Variants in CNTN4 observed in about 807,000 individuals in gnomAD.
The protein encoded by CNTN4 is contactin 4, also known as contactin-4.
A neutral mutation model predicts 122.5 loss-of-function variants in CNTN4; 77 were observed. The observed-to-expected ratio is 0.63, with a 90% CI of 0.52 to 0.76. CNTN4 has a LOEUF of 0.76. Ranked by LOEUF, CNTN4 falls within the 30% of genes least tolerant of loss-of-function variation. CNTN4 has a pLI of 0.00. For synonymous variants in CNTN4, 512 were observed against 447.0 expected (o/e 1.15, Z -1.83); for missense variants, 1,256 against 1,259.1 (o/e 1.00, Z 0.04).
chr3:3,035,777 C>CA (rs1699547602), intron 17 of CNTN4, among the ~76,000 whole-genome samples: 3 of 152,184 alleles, frequency 2.0e-5, no homozygotes, highest in African/African-American at 7.2e-5. Flanking sequence ...AGGCTGGTCT[C>CA]AAACTCCTGC....
At chr3:2,539,991 T>C (rs566647884) in intron 3 of CNTN4, among the ~76,000 whole-genome samples, 1 of 152,130 alleles carries the variant, frequency 6.6e-6, no homozygotes, top group Non-Finnish European at 1.5e-5. Flanking sequence ...GAGAATAACT[T>C]TTAATAATAC....
At chr3:3,008,810 A>G (rs1485238179) in intron 14 of CNTN4, among the ~76,000 whole-genome samples, 2 of 152,206 alleles carry the variant, frequency 1.3e-5, no homozygotes, top group Admixed American at 1.3e-4. Flanking sequence ...TTAAAACGCA[A>G]CTACTTTTGC....
intron 2 of CNTN4, among the ~76,000 whole-genome samples, chr3:2,243,186 T>A (rs1451114678): frequency 6.6e-6 from 1 of 152,156 alleles, no homozygotes. Context: ...AACTTTCTTT[T>A]GAGACCTACC....
At chr3:2,186,158 C>T (rs1434551952) in intron 2 of CNTN4, among the ~76,000 whole-genome samples, 1 of 151,272 alleles carries the variant, frequency 6.6e-6, no homozygotes, top group Non-Finnish European at 1.5e-5. Flanking sequence ...TCAATTCCCA[C>T]CTATGAGTGA....
At chr3:2,183,354 A>G (rs1225642620) in intron 2 of CNTN4, among the ~76,000 whole-genome samples, 2 of 152,174 alleles carry the variant, frequency 1.3e-5, no homozygotes, top group Non-Finnish European at 2.9e-5. Context: ...TTTCTTCTAC[A>G]TATGTTTTCT....
At chr3:2,191,855 A>T (rs907572128) in intron 2 of CNTN4, among the ~76,000 whole-genome samples, 2 of 151,974 alleles carry the variant, frequency 1.3e-5, no homozygotes, top group Admixed American at 6.6e-5. Flanking sequence ...CATTAGGTAT[A>T]TCTCCTAATG....
chr3:2,873,951 A>T, intron 8 of CNTN4, among the ~76,000 whole-genome samples: 1 of 152,194 alleles, frequency 6.6e-6, no homozygotes, highest in East Asian at 1.9e-4. Flanking sequence ...TGTCACAGCA[A>T]TCATGTCTTG....
At chr3:2,817,498 A>G (rs2092764366) in intron 6 of CNTN4, among the ~76,000 whole-genome samples, 7 of 152,244 alleles carry the variant, frequency 4.6e-5, no homozygotes, top group Admixed American at 4.6e-4. Flanking sequence ...TACACTTCAA[A>G]TGCCTAAAAC....
intron 12 of CNTN4, among the ~76,000 whole-genome samples, chr3:2,911,201 CT>C (rs59234070): frequency 0.42 from 63,634 of 151,850 alleles, 13,729 homozygotes; most frequent in East Asian, 0.64. Flanking sequence ...AGAACAAAGT[CT>C]TATCAACATG....
chr3:2,915,156 C>T (rs2094340232), intron 12 of CNTN4, among the ~76,000 whole-genome samples: 1 of 152,200 alleles, frequency 6.6e-6, no homozygotes, highest in Non-Finnish European at 1.5e-5. Flanking sequence ...ACCTCCACCT[C>T]CCGGGTTCAA....
At chr3:2,732,756 G>A (rs530406114) in intron 4 of CNTN4, among the ~76,000 whole-genome samples, 26 of 152,216 alleles carry the variant, frequency 1.7e-4, no homozygotes, top group Admixed American at 4.6e-4. Flanking sequence ...ACCCTGGTCC[G>A]AAGGTTTAAA....
chr3:2,911,268 G>A (rs1289321534), intron 12 of CNTN4, among the ~76,000 whole-genome samples: 1 of 152,146 alleles, frequency 6.6e-6, no homozygotes, highest in East Asian at 1.9e-4. Context: ...AGTACCAACA[G>A]AGGGAAATTT....
intron 12 of CNTN4, among the ~76,000 whole-genome samples, chr3:2,920,547 TGTGG>T (rs1345662612): frequency 2.0e-5 from 3 of 152,064 alleles, no homozygotes; most frequent in African/African-American, 7.2e-5. Context: ...TGGTACTTTC[TGTGG>T]GTCTATAATT....
At chr3:2,243,522 T>C (rs2040021472) in intron 2 of CNTN4, among the ~76,000 whole-genome samples, 1 of 151,994 alleles carries the variant, frequency 6.6e-6, no homozygotes, top group Non-Finnish European at 1.5e-5. Context: ...TTGTGATTTT[T>C]TTTTAGCTCA....
chr3:2,848,854 G>A (rs77643566), intron 7 of CNTN4, among the ~76,000 whole-genome samples: 30,643 of 152,222 alleles, frequency 0.2, 3,086 homozygotes, highest in Non-Finnish European at 0.22. Flanking sequence ...GATAGAAAAT[G>A]CTGATTGGGC....
intron 4 of CNTN4, among the ~76,000 whole-genome samples, chr3:2,690,067 A>C (rs9848021): frequency 0.029 from 4,469 of 152,258 alleles, 202 homozygotes; most frequent in African/African-American, 0.099. Context: ...TGAGGTCCAG[A>C]TGAGCTAATA....
chr3:2,582,759 G>C lies in CNTN4; in HGVS notation c.55+11201G>C, dbSNP rs867016930. Among the ~76,000 whole-genome samples the C allele has an allele frequency of 2.0e-5, 3 of 152,146 alleles. No homozygotes were observed. In the East Asian group the frequency reaches 5.8e-4, roughly 29 times the overall value. On this transcript the variant is annotated intron_variant, in intron 4 of 24. Transcript: ENST00000418658. ...CTATTTTCAATTTTGTCCTAGATTGGCATCCCTAGGAAGCAGGATATCTTT... is the reference window on the plus strand; with the variant it reads ...CTATTTTCAATTTTGTCCTAGATTGCCATCCCTAGGAAGCAGGATATCTTT...
At chr3:2,970,005 C>G (rs1238908076) in intron 13 of CNTN4, among the ~76,000 whole-genome samples, 2 of 152,134 alleles carry the variant, frequency 1.3e-5, no homozygotes, top group Non-Finnish European at 2.9e-5. Flanking sequence ...AGTACCAACC[C>G]TCTGCACAGA....
intron 3 of CNTN4, among the ~76,000 whole-genome samples, chr3:2,344,532 C>G (rs865894645): frequency 4.8e-4 from 73 of 152,232 alleles, no homozygotes; most frequent in African/African-American, 1.7e-3. Flanking sequence ...CCCGCTTCAG[C>G]CTCCCAAAGT....
Sources: allele counts gnomAD v4.1 joint callset (sites outside exome capture counted in the v4.1 genomes callset), GRCh38; gene constraint gnomAD v4.1.1; transcripts MANE v1.5; gene names NCBI Gene and HGNC (gene_info 2026-07-23, HGNC 2026-07-21).